MLLT10: variants seen among roughly 807,000 people sequenced by gnomAD.
MLLT10 encodes the protein MLLT10 histone lysine methyltransferase DOT1L cofactor.
A neutral mutation model predicts 129.1 loss-of-function variants in MLLT10; 30 were observed. That is an observed-to-expected ratio of 0.23 (90% CI 0.17 to 0.32). MLLT10 has a LOEUF of 0.32. Among genes scored for constraint, MLLT10 ranks in the 10% least tolerant of loss-of-function variants. The pLI, the probability that MLLT10 is intolerant of heterozygous loss-of-function variation, is 1.00. For missense variants in MLLT10, 1,119 were observed against 1,268.3 expected (o/e 0.88, Z 1.79); for synonymous variants, 490 against 446.4 (o/e 1.10, Z -1.23).
chr10:21,534,806 T>TA lies in MLLT10; in HGVS notation c.160+5dup. 6.3e-7 allele frequency: 1 copy of TA among 1,596,242 alleles called. No individual in the cohort carries two copies. The highest frequency in any genetic ancestry group is 2.3e-5 in the East Asian group (1 of 43,298). On this transcript the variant is annotated splice_region_variant and intron_variant, in intron 2 of 22. Coordinates refer to ENST00000307729, the MANE Select transcript of MLLT10 (RefSeq NM_001195626.3). ...GCTGCAGCGTCGCGGTGCATCAAGG[T>TA]AAACACCCAACCGCCCGCCGGGGCG...
At chr10:21,534,223 A>C (rs1227933772), upstream of MLLT10, 1 of 394,302 alleles carries the variant, frequency 2.5e-6, no homozygotes, top group Non-Finnish European at 4.5e-6. Flanking sequence ...CGCCGGCCGC[A>C]GGACGGGCGC....
chr10:21,671,523 C>T (rs375395282), intron 10 of MLLT10, among the ~76,000 whole-genome samples: 23 of 152,224 alleles, frequency 1.5e-4, no homozygotes, highest in Middle Eastern at 3.4e-3. Flanking sequence ...CACAGTGGCT[C>T]ATGCCTGTAA....
At chr10:21,682,197 C>CT in intron 12 of MLLT10, 28 bp from the exon 13 acceptor site, 1 of 1,600,300 alleles carries the variant, frequency 6.2e-7, no homozygotes, top group Non-Finnish European at 8.5e-7. Flanking sequence ...TGATCTTAAC[C>CT]TGAAGTCCTT....
chr10:21,704,302 C>G (rs2055244768), intron 13 of MLLT10, among the ~76,000 whole-genome samples: 1 of 147,746 alleles, frequency 6.8e-6, no homozygotes, highest in African/African-American at 2.5e-5. Flanking sequence ...AGCCACTGTG[C>G]CCAGCCTCTG....
rs370885697 is a variant in MLLT10, at chr10:21,689,546, A to AATATAT, written c.1699+7302_1699+7307dup. ...TGAGAATACACAGGCTGTGTAAAGT[A>AATATAT]ATATATATATATATATATGTATATA... On this transcript the variant is annotated intron_variant, in intron 13 of 22. Coordinates refer to ENST00000307729, the MANE Select transcript of MLLT10 (RefSeq NM_001195626.3). Among the ~76,000 whole-genome samples the AATATAT allele has an allele frequency of 4.6e-5, 5 of 108,322 alleles. No individual in the cohort carries two copies. In the South Asian group the frequency reaches 1.2e-3, roughly 25 times the overall value. The allele number at this position is 108,322 out of a possible 152,430, so 71.1% of individuals were successfully genotyped here.
intron 4 of MLLT10, among the ~76,000 whole-genome samples, chr10:21,587,751 C>G (rs1412117343): frequency 2.0e-5 from 3 of 152,062 alleles, no homozygotes; most frequent in African/African-American, 7.2e-5. Flanking sequence ...ATGATTTTGG[C>G]TAGATATATA....
In MLLT10 at chr10:21,581,834, G is replaced by A. The variant is rs548277926; in HGVS notation, c.241-4460G>A. Among the ~76,000 whole-genome samples the A allele has an allele frequency of 7.9e-5, 12 of 152,210 alleles. No homozygotes were observed. In the South Asian group the frequency reaches 2.5e-3, roughly 32 times the overall value. On this transcript the variant is annotated intron_variant, in intron 3 of 22. Coordinates refer to ENST00000307729, the MANE Select transcript of MLLT10 (RefSeq NM_001195626.3). Reference sequence around the variant, plus strand: ...ATTAAGCCTCTTTTCTTTATAAATTGCCCAGTCTCAGGTAGTTCTTTATAG... The same window carrying A: ...ATTAAGCCTCTTTTCTTTATAAATTACCCAGTCTCAGGTAGTTCTTTATAG...
At chr10:21,547,805 C>T (rs2036351039) in intron 3 of MLLT10, among the ~76,000 whole-genome samples, 1 of 152,148 alleles carries the variant, frequency 6.6e-6, no homozygotes, top group South Asian at 2.1e-4. Context: ...TCCCAAAGTG[C>T]TGGTATTACA....
At chr10:21,637,423 CCATCCTTGACTGCCAGAGGAATCTGGCGT>C (rs566111670) in intron 8 of MLLT10, among the ~76,000 whole-genome samples, 3 of 152,350 alleles carry the variant, frequency 2.0e-5, no homozygotes, top group East Asian at 3.9e-4. Flanking sequence ...AGAGACCCCA[CCATCCTTGACTGCCAGAGGAATCTGGCGT>C]TGTGAATCTG....
chr10:21,690,080 A>C (rs2053710249), intron 13 of MLLT10, among the ~76,000 whole-genome samples: 1 of 152,052 alleles, frequency 6.6e-6, no homozygotes, highest in Non-Finnish European at 1.5e-5. Flanking sequence ...TAGGCCACTT[A>C]GGGGGTAGTA....
intron 8 of MLLT10, among the ~76,000 whole-genome samples, chr10:21,642,375 A>G (rs2048092934): frequency 7.1e-6 from 1 of 141,232 alleles, no homozygotes; most frequent in Non-Finnish European, 1.5e-5. Context: ...ACGAAGAAGT[A>G]GCCGGGCGCG....
chr10:21,675,776 T>G (rs967469490), intron 11 of MLLT10, among the ~76,000 whole-genome samples: 32 of 152,296 alleles, frequency 2.1e-4, no homozygotes, highest in African/African-American at 7.5e-4. Flanking sequence ...TTTTCTGTAG[T>G]TTTGAAGCAT....
At position 21,718,890 on chromosome 10, in the gene MLLT10, A is replaced by G. The variant is rs543240957; in HGVS notation, c.1878+4940A>G. Among the ~76,000 whole-genome samples the G allele has an allele frequency of 1.8e-4, 28 of 152,160 alleles. 1 individual carries two copies. In the South Asian group the frequency reaches 5.8e-3, roughly 32 times the overall value. ...ACACGTGCACCACCACGCCTGGCTA[A>G]TTTTTGTGTTTTTGGTAGAGATGGG... On this transcript the variant is annotated intron_variant, in intron 14 of 22. Transcript: ENST00000307729.
chr10:21,628,798 G>T (rs1421275353), intron 8 of MLLT10, among the ~76,000 whole-genome samples: 1 of 144,572 alleles, frequency 6.9e-6, no homozygotes, highest in East Asian at 2.0e-4. Context: ...CCAGGCTGGA[G>T]TGCGGTGACA....
At chr10:21,724,384 TCTC>T (rs1233334093) in intron 14 of MLLT10, among the ~76,000 whole-genome samples, 6 of 152,234 alleles carry the variant, frequency 3.9e-5, no homozygotes, top group Non-Finnish European at 8.8e-5. Flanking sequence ...TACAGCTTCT[TCTC>T]TGTGTTATTT....
intron 14 of MLLT10, 131 bp downstream of exon 14, chr10:21,714,081 T>A (rs1199755795): frequency 2.8e-6 from 2 of 708,596 alleles, no homozygotes; most frequent in Non-Finnish European, 4.4e-6. Flanking sequence ...TTTGTATTAA[T>A]GTATTAGTGA....
At chr10:21,589,186 G>A (rs914158491) in intron 4 of MLLT10, among the ~76,000 whole-genome samples, 4 of 152,018 alleles carry the variant, frequency 2.6e-5, no homozygotes, top group African/African-American at 9.7e-5. Flanking sequence ...CATCTGGTCA[G>A]TCTTTGTTTA....
chr10:21,735,248 T>C lies in MLLT10; in HGVS notation c.2955+13T>C. On this transcript the variant is annotated intron_variant, in intron 21 of 22. Coordinates refer to ENST00000307729, the MANE Select transcript of MLLT10 (RefSeq NM_001195626.3). ...ACAGCTCACACCAGTAAGTTCTTTC[T>C]TTTGATAATATCTTATTAGGAGCAT... The C allele has an allele frequency of 6.4e-7, 1 of 1,573,964 alleles. No individual in the cohort carries two copies. The highest frequency in any genetic ancestry group is 1.3e-5 in the African/African-American group (1 of 74,200).
chr10:21,712,209 T>G (rs769398431), intron 13 of MLLT10, among the ~76,000 whole-genome samples: 19 of 151,564 alleles, frequency 1.3e-4, no homozygotes, highest in Admixed American at 8.5e-4. Context: ...ACTTCATTTA[T>G]TTATTTATTT....
Sources: allele counts gnomAD v4.1 joint callset (sites outside exome capture counted in the v4.1 genomes callset), GRCh38; gene constraint gnomAD v4.1.1; transcripts MANE v1.5; gene names NCBI Gene and HGNC (gene_info 2026-07-23, HGNC 2026-07-21).